The following NRXN3 variants were observed in gnomAD, a reference collection of about 807,000 sequenced individuals.
The protein encoded by NRXN3 is neurexin 3.
NRXN3 carries 32 observed loss-of-function variants against 137.6 expected under a neutral mutation model. That is an observed-to-expected ratio of 0.23 (90% CI 0.18 to 0.31). The LOEUF (loss-of-function observed/expected upper bound fraction) is 0.31. Among genes scored for constraint, NRXN3 ranks in the 10% least tolerant of loss-of-function variants. The pLI, the probability that NRXN3 is intolerant of heterozygous loss-of-function variation, is 1.00. For synonymous variants in NRXN3, 798 were observed against 784.5 expected (o/e 1.02, Z -0.29); for missense variants, 1,574 against 2,062.5 (o/e 0.76, Z 4.59).
At chr14:79,815,736 A>G (rs1465610851) in intron 20 of NRXN3, among the ~76,000 whole-genome samples, 4 of 152,176 alleles carry the variant, frequency 2.6e-5, no homozygotes. Context: ...TATTCCCACC[A>G]TGGCTGATTT....
intron 15 of NRXN3, among the ~76,000 whole-genome samples, chr14:79,449,246 C>G (rs1250038873): frequency 6.6e-6 from 1 of 152,162 alleles, no homozygotes; most frequent in Non-Finnish European, 1.5e-5. Context: ...GTCTTTTCTG[C>G]TGCACAGTGC....
chr14:78,317,518 C>T (rs890041232), intron 4 of NRXN3, among the ~76,000 whole-genome samples: 1 of 152,184 alleles, frequency 6.6e-6, no homozygotes, highest in Non-Finnish European at 1.5e-5. Flanking sequence ...ATCATCTCCT[C>T]CCCTCTTCTG....
At chr14:78,945,490 C>T (rs1392295621) in intron 10 of NRXN3, among the ~76,000 whole-genome samples, 1 of 152,150 alleles carries the variant, frequency 6.6e-6, no homozygotes, top group African/African-American at 2.4e-5. Context: ...GTCATTGCAT[C>T]TCTGAACCAT....
chr14:78,834,519 C>T (rs553388451), intron 10 of NRXN3, among the ~76,000 whole-genome samples: 5 of 152,128 alleles, frequency 3.3e-5, no homozygotes, highest in Non-Finnish European at 5.9e-5. Flanking sequence ...CAGGTTCATT[C>T]GTGCTAACTC....
chr14:79,435,617 C>CACACACAT (rs1335481657), intron 15 of NRXN3, among the ~76,000 whole-genome samples: 7 of 151,772 alleles, frequency 4.6e-5, no homozygotes, highest in African/African-American at 1.7e-4. Context: ...CACACACACA[C>CACACACAT]ACACACACAC....
rs116646160 is a variant in NRXN3 at position 79,672,824 on chromosome 14, T to C, written c.3616+8875T>C. ...CCATACAAGAGCATAGTTTTATTTA[T>C]GGGAAAAGTTTCCAAGTTCCAGTCT... On this transcript the variant is annotated intron_variant, in intron 17 of 20. Transcript: ENST00000335750. Among the ~76,000 whole-genome samples, 414 of 152,222 alleles carry C rather than the reference T, an allele frequency of 2.7e-3. 3 individuals carry two copies. The highest frequency in any genetic ancestry group is 8.6e-3 in the African/African-American group (357 of 41,564).
intron 16 of NRXN3, among the ~76,000 whole-genome samples, chr14:79,561,769 A>G (rs2097500157): frequency 6.6e-6 from 1 of 152,138 alleles, no homozygotes; most frequent in South Asian, 2.1e-4. Context: ...TTAGTGAAGA[A>G]CACCCTCATT....
chr14:79,112,031 A>G (rs1039383899), intron 15 of NRXN3, among the ~76,000 whole-genome samples: 3 of 152,240 alleles, frequency 2.0e-5, no homozygotes, highest in African/African-American at 7.2e-5. Context: ...ATTTTAAGCA[A>G]TATCCACAAA....
In NRXN3 at chr14:79,452,817, AAAAC is replaced by A. The variant is rs546900482; in HGVS notation, c.3263-14400_3263-14397del. On this transcript the variant is annotated intron_variant, in intron 15 of 20. Transcript: ENST00000335750. The stretch of plus-strand genomic sequence containing the variant: ...TCTTGCTAAAAATAATAAAGGAAGA[AAAAC>A]AAAGTATAAGCTAAGGCTTTGAAGG... 1.9e-3 allele frequency among the ~76,000 whole-genome samples: 293 copies of A among 152,362 alleles called. 1 individual carries two copies. The highest frequency in any genetic ancestry group is 6.3e-3 in the African/African-American group (261 of 41,586).
chr14:79,426,232 C>T (rs1326450270), intron 15 of NRXN3, among the ~76,000 whole-genome samples: 1 of 152,154 alleles, frequency 6.6e-6, no homozygotes, highest in East Asian at 1.9e-4. Context: ...CACCTCCTGG[C>T]CAGCTGCAGC....
chr14:79,196,949 C>T (rs1568570243), intron 15 of NRXN3, among the ~76,000 whole-genome samples: 1 of 152,118 alleles, frequency 6.6e-6, no homozygotes, highest in Non-Finnish European at 1.5e-5. Flanking sequence ...TAAATGGCTC[C>T]ACTAATCTCA....
chr14:78,974,252 C>A (rs1294481690), intron 14 of NRXN3, among the ~76,000 whole-genome samples: 1 of 152,156 alleles, frequency 6.6e-6, no homozygotes, highest in East Asian at 1.9e-4. Flanking sequence ...AGGACTCAAT[C>A]TGAATGCAAG....
chr14:78,658,792 A>T (rs549242881), intron 6 of NRXN3, among the ~76,000 whole-genome samples: 27 of 152,316 alleles, frequency 1.8e-4, no homozygotes, highest in African/African-American at 6.3e-4. Context: ...TGTACGGAAA[A>T]GCACTCTGTG....
intron 20 of NRXN3, among the ~76,000 whole-genome samples, chr14:79,819,183 C>T (rs570728124): frequency 6.6e-6 from 1 of 152,268 alleles, no homozygotes; most frequent in South Asian, 2.1e-4. Flanking sequence ...GTCTTACAGT[C>T]CCTGCCCTAT....
chr14:78,529,028 A>G (rs905754012), intron 4 of NRXN3, among the ~76,000 whole-genome samples: 1 of 152,198 alleles, frequency 6.6e-6, no homozygotes, highest in Non-Finnish European at 1.5e-5. Context: ...CAAAGCCAGC[A>G]CCAATAACAC....
chr14:78,369,323 A>G (rs2086460986), intron 4 of NRXN3, among the ~76,000 whole-genome samples: 1 of 151,434 alleles, frequency 6.6e-6, no homozygotes, highest in South Asian at 2.1e-4. Flanking sequence ...ATATGTGAAG[A>G]CAGCCTTCAG....
intron 16 of NRXN3, among the ~76,000 whole-genome samples, chr14:79,615,853 C>T (rs2098148709): frequency 1.3e-5 from 2 of 152,132 alleles, no homozygotes; most frequent in Non-Finnish European, 2.9e-5. Flanking sequence ...GGTGGGGACA[C>T]AGCCAAATCA....
intron 15 of NRXN3, among the ~76,000 whole-genome samples, chr14:79,268,082 T>C (rs1598088545): frequency 6.6e-6 from 1 of 152,346 alleles, no homozygotes. Context: ...TAAACACTTT[T>C]TCTAAACATT....
intron 16 of NRXN3, among the ~76,000 whole-genome samples, chr14:79,484,032 C>T (rs2096632897): frequency 6.6e-6 from 1 of 152,058 alleles, no homozygotes; most frequent in Admixed American, 6.6e-5. Context: ...TCGATTTCCT[C>T]CTAGGGAGAC....
Sources: gnomAD v4.1 joint callset for allele counts (sites outside exome capture counted in the v4.1 genomes callset) on GRCh38, gnomAD v4.1.1 for gene constraint, MANE v1.5 for transcripts, NCBI Gene and HGNC (gene_info 2026-07-23, HGNC 2026-07-21) for gene names.